UNC5A: variants seen among roughly 807,000 people sequenced by gnomAD.
UNC5A encodes the protein netrin receptor UNC5A.
Under a neutral mutation model 87.4 loss-of-function variants are expected in UNC5A, and 20 were observed. The ratio of observed to expected loss-of-function variants is 0.23; its 90% CI spans 0.16 to 0.33. The LOEUF is 0.33. Among genes scored for constraint, UNC5A ranks in the 10% least tolerant of loss-of-function variants. The pLI, the probability that UNC5A is intolerant of heterozygous loss-of-function variation, is 1.00. For synonymous variants in UNC5A, 438 were observed against 482.3 expected, an observed-to-expected ratio of 0.91 and a Z score of 1.20; for missense variants, 844 against 1,133.4, an observed-to-expected ratio of 0.74 and a Z score of 3.67.
At chr5:176,856,456 A>C (rs1468791183) in intron 1 of UNC5A, among the ~76,000 whole-genome samples, 1 of 151,934 alleles carries the variant, frequency 6.6e-6, no homozygotes, top group East Asian at 1.9e-4. Flanking sequence ...AGCGGTGGTC[A>C]TTCAGTCACG....
In UNC5A at chr5:176,848,313, C is replaced by A. The variant is rs1757462872; in HGVS notation, c.71-14311C>A. ...AAGAGGGTGTGCAGGGATCTGAGGC[C>A]CTGGGACTCAGGGCCCAGACAGGGC... On this transcript the variant is annotated intron_variant, in intron 1 of 14. Transcript: ENST00000329542. The surrounding 1 kb of genome is among the most constrained non-coding windows in gnomAD (Gnocchi z 5.8). 6.6e-6 allele frequency among the ~76,000 whole-genome samples: 1 copy of A among 152,080 alleles called. No individual in the cohort carries two copies. Among genetic ancestry groups the A allele is most frequent in the Admixed American group, 6.5e-5 (1 of 15,276 alleles).
At chr5:176,829,069 T>C (rs1392121135) in intron 1 of UNC5A, among the ~76,000 whole-genome samples, 1 of 150,420 alleles carries the variant, frequency 6.6e-6, no homozygotes, top group African/African-American at 2.4e-5. Context: ...GAGGCTGACA[T>C]TGCAGTGAGC....
Position 176,866,151 on chromosome 5 carries a change from C to T in UNC5A, c.293-1979C>T, listed in dbSNP as rs558062856. On this transcript the variant is annotated intron_variant, in intron 2 of 14. Coordinates refer to ENST00000329542, the MANE Select transcript of UNC5A (RefSeq NM_133369.3). This position sits in a 1 kb window ranked among gnomAD's most constrained non-coding sequence, Gnocchi z 5.0. ...TCCCCAGGGCTGGCACCTGCTCACACTTATGGGCAGGTACAGACATAGCTG... is the reference window on the plus strand; with the variant it reads ...TCCCCAGGGCTGGCACCTGCTCACATTTATGGGCAGGTACAGACATAGCTG... 6.6e-6 allele frequency among the ~76,000 whole-genome samples: 1 copy of T among 152,158 alleles called. No individual in the cohort carries two copies. The highest frequency in any genetic ancestry group is 1.5e-5 in the Non-Finnish European group (1 of 68,024).
intron 1 of UNC5A, among the ~76,000 whole-genome samples, chr5:176,835,095 C>A (rs906989558): frequency 1.3e-5 from 2 of 152,266 alleles, no homozygotes; most frequent in Non-Finnish European, 2.9e-5. Context: ...CTGCAGGCAG[C>A]GAGGCCAGGG....
chr5:176,857,672 C>T (rs1271269443), intron 1 of UNC5A, among the ~76,000 whole-genome samples: 1 of 152,206 alleles, frequency 6.6e-6, no homozygotes, highest in Middle Eastern at 3.2e-3. Context: ...CAGTTCTCTC[C>T]TGAGAGAGGC....
chr5:176,810,931 C>A lies in UNC5A; in HGVS notation c.70+111C>A. Reference sequence around the variant, plus strand: ...CTGCCAGACCCGGCTGGGAGCCCCCCGAGGCCAAACTTTGCGAGGCGGGAC... The same window carrying A: ...CTGCCAGACCCGGCTGGGAGCCCCCAGAGGCCAAACTTTGCGAGGCGGGAC... On this transcript the variant is annotated intron_variant, in intron 1 of 14. Coordinates refer to ENST00000329542, the MANE Select transcript of UNC5A (RefSeq NM_133369.3). The surrounding 1 kb of genome is among the most constrained non-coding windows in gnomAD (Gnocchi z 7.3). The A allele has an allele frequency of 2.0e-6, 2 of 982,686 alleles. No individual in the cohort carries two copies. Among genetic ancestry groups the A allele is most frequent in the Non-Finnish European group, 2.5e-6 (2 of 789,156 alleles). 60.9% of individuals were successfully genotyped at this position (982,686 alleles called of 1,614,324 possible).
At chr5:176,868,535 G>T (rs1410659637) in intron 3 of UNC5A, 26 bp from the exon 4 acceptor site, 7 of 1,576,464 alleles carry the variant, frequency 4.4e-6, no homozygotes, top group Non-Finnish European at 6.0e-6. Flanking sequence ...CCCTCAGACA[G>T]GAGGACACTC....
At chr5:176,873,289 C>A (rs1017078572) in intron 6 of UNC5A, among the ~76,000 whole-genome samples, 1 of 152,194 alleles carries the variant, frequency 6.6e-6, no homozygotes, top group African/African-American at 2.4e-5. Flanking sequence ...AATTACAAGG[C>A]CATAACTAAC....
chr5:176,872,586 C>A (rs1581277076), intron 6 of UNC5A, among the ~76,000 whole-genome samples: 1 of 134,096 alleles, frequency 7.5e-6, no homozygotes, highest in South Asian at 2.6e-4. Context: ...CCACACTCGC[C>A]CCAACACCAC....
In UNC5A at chr5:176,876,592, G is replaced by A. The variant is rs561345491; in HGVS notation, c.1379-600G>A. Among the ~76,000 whole-genome samples the A allele has an allele frequency of 2.0e-5, 3 of 152,350 alleles. No homozygotes were observed. The South Asian group carries it at 6.2e-4, about 32-fold the overall frequency. On this transcript the variant is annotated intron_variant, in intron 8 of 14. Coordinates refer to ENST00000329542, the MANE Select transcript of UNC5A (RefSeq NM_133369.3). ...TGCTCCTCCAAGACGTTGGAGCAGA[G>A]GCAAGCCAGCCGACGGGAGGGCATC...
At chr5:176,849,201 G>A (rs1022525393) in intron 1 of UNC5A, among the ~76,000 whole-genome samples, 3 of 152,200 alleles carry the variant, frequency 2.0e-5, no homozygotes, top group South Asian at 2.1e-4. Flanking sequence ...TTTGGCCCAC[G>A]GAGTGTTTAA....
At chr5:176,843,672 T>C (rs556139659) in intron 1 of UNC5A, among the ~76,000 whole-genome samples, 31 of 152,382 alleles carry the variant, frequency 2.0e-4, no homozygotes, top group African/African-American at 6.0e-4. Flanking sequence ...GTGTGACCAT[T>C]ATTATTATCC....
At chr5:176,836,080 A>T (rs931093995) in intron 1 of UNC5A, among the ~76,000 whole-genome samples, 1 of 152,218 alleles carries the variant, frequency 6.6e-6, no homozygotes, top group East Asian at 1.9e-4. Flanking sequence ...CTGGTGAGGG[A>T]TGAGCTTTAG....
intron 1 of UNC5A, among the ~76,000 whole-genome samples, chr5:176,820,001 G>A (rs1164741426): frequency 1.3e-5 from 2 of 152,244 alleles, no homozygotes; most frequent in Non-Finnish European, 2.9e-5. Flanking sequence ...GGTGGCTCAC[G>A]CCTATAATCC....
intron 1 of UNC5A, among the ~76,000 whole-genome samples, chr5:176,829,881 C>CTTTTATTTTTTTTTT (rs1756957258): frequency 1.1e-5 from 1 of 87,320 alleles, no homozygotes; most frequent in Non-Finnish European, 2.4e-5. Flanking sequence ...ATCACTGCTC[C>CTTTTATTTTTTTTTT]TTTTTTTTTT....
chr5:176,843,005 A>G (rs1023267337), intron 1 of UNC5A, among the ~76,000 whole-genome samples: 2 of 152,130 alleles, frequency 1.3e-5, no homozygotes, highest in African/African-American at 4.8e-5. Flanking sequence ...TACTAAAAAT[A>G]CAAAAATTAG....
intron 1 of UNC5A, among the ~76,000 whole-genome samples, chr5:176,828,671 T>G (rs1170080356): frequency 1.3e-5 from 2 of 152,218 alleles, no homozygotes; most frequent in Non-Finnish European, 2.9e-5. Flanking sequence ...GATGACTTTC[T>G]TGACTTACTT....
At chr5:176,852,505 T>A (rs1395860339) in intron 1 of UNC5A, among the ~76,000 whole-genome samples, 1 of 152,232 alleles carries the variant, frequency 6.6e-6, no homozygotes, top group Non-Finnish European at 1.5e-5. Context: ...TCCATTCTAT[T>A]TAATTGCAGC....
chr5:176,874,747 CTTG>C lies in UNC5A; in HGVS notation c.1378+185_1378+187del, dbSNP rs2149369557. 6.6e-6 allele frequency among the ~76,000 whole-genome samples: 1 copy of C among 152,344 alleles called. No individual in the cohort carries two copies. The highest frequency in any genetic ancestry group is 2.1e-4 in the South Asian group (1 of 4,824). On this transcript the variant is annotated intron_variant, in intron 8 of 14. Transcript: ENST00000329542. This position sits in a 1 kb window ranked among gnomAD's most constrained non-coding sequence, Gnocchi z 7.6. ...AGGCCGTGGCCAGAGCTGTCTTCCT[CTTG>C]TTGCCTGTGGGCACAAGGTAATTGT...
Sources: allele counts gnomAD v4.1 joint callset (sites outside exome capture counted in the v4.1 genomes callset), GRCh38; gene constraint gnomAD v4.1.1; non-coding constraint Gnocchi (gnomAD v3.1); transcripts MANE v1.5; gene names NCBI Gene and HGNC (gene_info 2026-07-23, HGNC 2026-07-21).